OSMR: variants seen among roughly 807,000 people sequenced by gnomAD.
OSMR encodes oncostatin M receptor.
In OSMR, 81 loss-of-function variants were observed where a neutral mutation model predicts 99.9. The ratio of observed to expected loss-of-function variants is 0.81; its 90% confidence interval spans 0.68 to 0.97. The LOEUF is 0.97. Among genes scored for constraint, OSMR ranks in the 50% least tolerant of loss-of-function variants. OSMR has a pLI of 0.00. For missense variants in OSMR, 1,099 were observed against 1,153.4 expected (o/e 0.95, Z 0.68); for synonymous variants, 406 against 410.4 (o/e 0.99, Z 0.13).
At position 38,933,573 on chromosome 5, in the gene OSMR, T is replaced by A. The variant is rs1293096220; in HGVS notation, c.*129T>A. ...GCAGGTCTGGTTTATATAAGACCAC[T>A]ACAGTCTGGCTAGGTTAAAGGCCAG... On this transcript the variant is annotated 3_prime_UTR_variant, in exon 18 of 18. Coordinates refer to ENST00000274276, the MANE Select transcript of OSMR (RefSeq NM_003999.3). The A allele has an allele frequency of 3.0e-6, 3 of 1,014,728 alleles. No individual in the cohort carries two copies. In the East Asian group the frequency reaches 7.6e-5, roughly 26 times the overall value. 62.9% of individuals were successfully genotyped at this position (1,014,728 alleles called of 1,614,324 possible).
intron 3 of OSMR, among the ~76,000 whole-genome samples, chr5:38,881,265 G>A (rs1362553192): frequency 6.6e-6 from 1 of 152,000 alleles, no homozygotes. Context: ...GATTCTCTGG[G>A]ACTGGCACAG....
chr5:38,875,064 C>A (rs116234941), intron 2 of OSMR, among the ~76,000 whole-genome samples: 5 of 152,266 alleles, frequency 3.3e-5, no homozygotes, highest in East Asian at 3.9e-4. Context: ...TTAAACGTAA[C>A]GTTTGAGGGG....
At chr5:38,903,368 G>T (rs1211667181) in intron 7 of OSMR, among the ~76,000 whole-genome samples, 1 of 152,156 alleles carries the variant, frequency 6.6e-6, no homozygotes, top group Non-Finnish European at 1.5e-5. Flanking sequence ...ATCCATCCTG[G>T]ATTTTATATC....
intron 11 of OSMR, among the ~76,000 whole-genome samples, chr5:38,920,677 TAGGATTGCCAGGTAAAATAC>T (rs1353271777): frequency 2.0e-5 from 3 of 152,156 alleles, no homozygotes; most frequent in Non-Finnish European, 4.4e-5. Flanking sequence ...CAGTTGTAAT[TAGGATTGCCAGGTAAAATAC>T]AGGATGCCCA....
At chr5:38,926,866 G>A (rs955516866) in intron 15 of OSMR, among the ~76,000 whole-genome samples, 1 of 152,074 alleles carries the variant, frequency 6.6e-6, no homozygotes, top group Non-Finnish European at 1.5e-5. Context: ...AATCCCTTCC[G>A]CCTATGAGCC....
At position 38,933,029 on chromosome 5, in the gene OSMR, C is replaced by T. The variant is rs748157619; in HGVS notation, c.2525C>T (p.Pro842Leu). The T allele has an allele frequency of 1.1e-5, 17 of 1,613,992 alleles. No homozygotes were observed. In the Middle Eastern group the frequency reaches 4.9e-4, roughly 47 times the overall value. ...AAGCCTAACTACCTTTATCTCCTTCCAACAGAAAAGAATCACTCTGGCCCT... is the reference window on the plus strand; with the variant it reads ...AAGCCTAACTACCTTTATCTCCTTCTAACAGAAAAGAATCACTCTGGCCCT... Reference protein sequence around the residue: ...LTKPNYLYLLPTEKNHSGPGP... With the variant: ...LTKPNYLYLLLTEKNHSGPGP... The change falls in exon 18 of 18, where the codon CCA becomes CTA. Residue 842 changes from proline (P) to leucine (L), a missense_variant. Transcript: ENST00000274276.
In OSMR at chr5:38,876,460, C is replaced by T. The variant is rs571719675; in HGVS notation, c.246+87C>T. ...TCTTTTATAACATCTGAAAAATTCT[C>T]GTTTTGGAAATATATTAGCAGCTCA... On this transcript the variant is annotated intron_variant, in intron 3 of 17. Coordinates refer to ENST00000274276, the MANE Select transcript of OSMR (RefSeq NM_003999.3). 23 of 1,153,968 alleles carry T rather than the reference C, an allele frequency of 2.0e-5. No homozygotes were observed. In the African/African-American group the frequency reaches 2.3e-4, roughly 12 times the overall value. The allele number at this position is 1,153,968 out of a possible 1,614,324, so 71.5% of individuals were successfully genotyped here.
intron 9 of OSMR, among the ~76,000 whole-genome samples, chr5:38,908,700 C>T (rs1159600858): frequency 6.6e-6 from 1 of 152,124 alleles, no homozygotes; most frequent in Non-Finnish European, 1.5e-5. Context: ...GTCAACTGAA[C>T]CCATCTTATA....
chr5:38,943,241 G>A (rs1747799576), intron 1 of OSMR: 2 of 325,852 alleles, frequency 6.1e-6, no homozygotes, highest in Non-Finnish European at 1.1e-5. Flanking sequence ...ATGAGAAATT[G>A]CAAAATATAT....
In OSMR at chr5:38,933,580, T is replaced by A; in HGVS notation, c.*136T>A. On this transcript the variant is annotated 3_prime_UTR_variant, in exon 18 of 18. Transcript: ENST00000274276. ...TGGTTTATATAAGACCACTACAGTCTGGCTAGGTTAAAGGCCAGAGGCTAT... is the reference window on the plus strand; with the variant it reads ...TGGTTTATATAAGACCACTACAGTCAGGCTAGGTTAAAGGCCAGAGGCTAT... 13 of 967,140 alleles carry A rather than the reference T, an allele frequency of 1.3e-5. No homozygotes were observed. Among genetic ancestry groups the A allele is most frequent in the Non-Finnish European group, 1.8e-5 (11 of 628,398 alleles). 59.9% of individuals were successfully genotyped at this position (967,140 alleles called of 1,614,324 possible). A position where few individuals can be genotyped will look rare whatever the true frequency, so the allele number is the denominator to read the frequency against.
rs1255394703 is a variant in OSMR at position 38,933,199 on chromosome 5, A to G, written c.2695A>G (p.Lys899Glu). ...SPENVLKALE[K>E]NYMNSLGEIP... ...TGAAAATGTACTAAAGGCACTAGAA[A>G]AAAACTACATGAACTCCCTGGGAGA... The change falls in exon 18 of 18, where the codon AAA (lysine) becomes GAA (glutamate). Residue 899 changes from lysine (K) to glutamate (E), a missense_variant. Transcript: ENST00000274276. The G allele has an allele frequency of 1.2e-6, 2 of 1,614,214 alleles. No homozygotes were observed. The highest frequency in any genetic ancestry group is 2.2e-5 in the East Asian group (1 of 44,884).
intron 2 of OSMR, chr5:38,944,922 A>C: frequency 1.2e-6 from 2 of 1,613,914 alleles, no homozygotes; most frequent in South Asian, 2.2e-5. Flanking sequence ...CCTAGTAACA[A>C]TTCTGTGCTT....
Position 38,933,365 on chromosome 5 carries a change from G to C in OSMR, c.2861G>C (p.Arg954Pro). The C allele has an allele frequency of 7.4e-6, 12 of 1,614,032 alleles. No homozygotes were observed. The highest frequency in any genetic ancestry group is 1.0e-5 in the Non-Finnish European group (12 of 1,179,962). The change falls in exon 18 of 18, where the codon CGT becomes CCT. Residue 954 changes from arginine (R) to proline (P), a missense_variant. Arg to Pro is a moderately radical substitution (Grantham distance 103). Transcript: ENST00000274276. ...EYKMQMAVSL[R>P]LALPPPTENS... ...AAAATGCAAATGGCAGTCTCCCTGC[G>C]TCTTGCCTTGCCTCCCCCGACCGAG...
chr5:38,883,243 AT>A (rs950513330), intron 4 of OSMR, among the ~76,000 whole-genome samples: 10 of 152,334 alleles, frequency 6.6e-5, no homozygotes, highest in African/African-American at 1.9e-4. Context: ...TGAAGGTTGG[AT>A]TTTTTAAAAA....
chr5:38,944,109 C>T, intron 1 of OSMR: 1 of 404,380 alleles, frequency 2.5e-6, no homozygotes, highest in Non-Finnish European at 4.8e-6. Flanking sequence ...AAAATAAATC[C>T]ATTACATGTT....
chr5:38,944,670 T>C (rs745789836), intron 2 of OSMR: 2 of 1,057,966 alleles, frequency 1.9e-6, no homozygotes, highest in Non-Finnish European at 2.7e-6. Context: ...GACCTAGAGA[T>C]CAATTACACA....
intron 1 of OSMR, among the ~76,000 whole-genome samples, chr5:38,853,013 G>C (rs546417340): frequency 6.6e-6 from 1 of 151,964 alleles, no homozygotes; most frequent in Non-Finnish European, 1.5e-5. Context: ...TTACAGGCGT[G>C]AGCCACCGCG....
chr5:38,906,546 C>G (rs554651564), intron 9 of OSMR, among the ~76,000 whole-genome samples: 2 of 152,184 alleles, frequency 1.3e-5, no homozygotes, highest in East Asian at 3.9e-4. Flanking sequence ...AATTTACAAG[C>G]CAGCTGAAGA....
chr5:38,927,985 T>C (rs1448436645), intron 15 of OSMR, among the ~76,000 whole-genome samples: 1 of 152,218 alleles, frequency 6.6e-6, no homozygotes, highest in Non-Finnish European at 1.5e-5. Flanking sequence ...CCAGTCTCTT[T>C]GCTAAAGCAT....
Sources: gnomAD v4.1 joint callset for allele counts (sites outside exome capture counted in the v4.1 genomes callset) on GRCh38, gnomAD v4.1.1 for gene constraint, MANE v1.5 for transcripts, NCBI Gene and HGNC (gene_info 2026-07-23, HGNC 2026-07-21) for gene names.